The following KAT14 variants were observed in gnomAD, a reference collection of about 807,000 sequenced individuals.
The protein encoded by KAT14 is cysteine-rich protein 2-binding protein.
In KAT14, 66 loss-of-function variants were observed where a neutral mutation model predicts 78.4. The observed-to-expected ratio is 0.84, with a 90% CI of 0.69 to 1.03. The LOEUF is 1.03. Among genes scored for constraint, KAT14 ranks in the 50% least tolerant of loss-of-function variants. KAT14 has a pLI of 0.00. For missense variants in KAT14, 870 were observed against 972.5 expected (o/e 0.89, Z 1.40); for synonymous variants, 344 against 359.4 (o/e 0.96, Z 0.48).
At chr20:18,153,770 A>C (rs1212667232) in intron 4 of KAT14, among the ~76,000 whole-genome samples, 1 of 152,230 alleles carries the variant, frequency 6.6e-6, no homozygotes, top group African/African-American at 2.4e-5. Context: ...CTTCCTATTT[A>C]AATCAAGTCA....
intron 10 of KAT14, 66 bp from the exon 11 acceptor site, chr20:18,187,220 C>G (rs2039477431): frequency 3.3e-6 from 5 of 1,525,686 alleles, no homozygotes; most frequent in Admixed American, 2.4e-5. Context: ...AAAAGCGTTT[C>G]TTTACCTACT....
chr20:18,183,934 G>T (rs911960945), intron 9 of KAT14, among the ~76,000 whole-genome samples: 2 of 152,172 alleles, frequency 1.3e-5, no homozygotes, highest in African/African-American at 4.8e-5. Context: ...TGTTAGATAC[G>T]ATTTCATCAA....
At chr20:18,182,026 T>C (rs2039277839) in intron 8 of KAT14, among the ~76,000 whole-genome samples, 180 bp downstream of exon 8, 1 of 152,200 alleles carries the variant, frequency 6.6e-6, no homozygotes, top group African/African-American at 2.4e-5. Flanking sequence ...CTCTACTTTT[T>C]TGCAGAGAAC....
intron 7 of KAT14, among the ~76,000 whole-genome samples, chr20:18,166,874 A>G (rs538530992): frequency 6.6e-6 from 1 of 152,362 alleles, no homozygotes; most frequent in South Asian, 2.1e-4. Context: ...ACACAGCCAC[A>G]TTGTCTAGGT....
At chr20:18,146,883 GTTCA>G (rs919856900) in intron 3 of KAT14, among the ~76,000 whole-genome samples, 12 of 151,888 alleles carry the variant, frequency 7.9e-5, no homozygotes, top group African/African-American at 2.9e-4. Context: ...TAGTTTTTAT[GTTCA>G]TTCATTCATT....
chr20:18,175,933 A>G (rs1386942220), intron 7 of KAT14, among the ~76,000 whole-genome samples: 1 of 149,546 alleles, frequency 6.7e-6, no homozygotes, highest in Non-Finnish European at 1.5e-5. Context: ...CACTTGAGCT[A>G]GGAGGTCAAG....
intron 7 of KAT14, among the ~76,000 whole-genome samples, chr20:18,174,669 A>ATTT (rs11481085): frequency 7.2e-6 from 1 of 138,848 alleles, no homozygotes; most frequent in African/African-American, 2.7e-5. Flanking sequence ...TTTTTTTTTT[A>ATTT]TTTTTTTTTT....
chr20:18,176,512 G>A (rs1019349672), intron 7 of KAT14, among the ~76,000 whole-genome samples: 13 of 152,092 alleles, frequency 8.5e-5, no homozygotes, highest in Non-Finnish European at 1.2e-4. Flanking sequence ...GAGGAGTAGC[G>A]GGCAGGAGCA....
At chr20:18,138,161 C>T in intron 1 of KAT14, 110 bp downstream of exon 1, 1 of 1,335,598 alleles carries the variant, frequency 7.5e-7, no homozygotes, top group Non-Finnish European at 9.6e-7. Flanking sequence ...GTCTTTCCCC[C>T]GCGGTGGCGC....
chr20:18,177,470 C>T (rs928113004), intron 7 of KAT14, among the ~76,000 whole-genome samples: 1 of 152,122 alleles, frequency 6.6e-6, no homozygotes, highest in East Asian at 1.9e-4. Flanking sequence ...CCTTTTGATA[C>T]GAGGAGCCGC....
rs906013845 is a variant in KAT14 at position 18,159,457 on chromosome 20, T to C, written c.682+192T>C. Reference sequence around the variant, plus strand: ...CACATAAAAACATTTTATCACTTCCTAATCAAGCTATCAGTTTTATAAATT... The same window carrying C: ...CACATAAAAACATTTTATCACTTCCCAATCAAGCTATCAGTTTTATAAATT... On this transcript the variant is annotated intron_variant, in intron 5 of 10. Coordinates refer to ENST00000688188, the MANE Select transcript of KAT14 (RefSeq NM_001392073.1). 3.3e-5 allele frequency among the ~76,000 whole-genome samples: 5 copies of C among 152,278 alleles called. No individual in the cohort carries two copies. In the South Asian group the frequency reaches 1.0e-3, roughly 31 times the overall value.
At position 18,142,994 on chromosome 20, in the gene KAT14, G is replaced by A. The variant is rs1001413040; in HGVS notation, c.259+75G>A. On this transcript the variant is annotated intron_variant, in intron 2 of 10. Coordinates refer to ENST00000688188, the MANE Select transcript of KAT14 (RefSeq NM_001392073.1). ...TGTTTTTCCAACCTGTGAAAGAAAC[G>A]TGAATGTAAAAGAGACCTAAATAAA... 28 of 1,562,898 alleles carry A rather than the reference G, an allele frequency of 1.8e-5. No individual in the cohort carries two copies. The East Asian group carries it at 1.8e-4, about 10-fold the overall frequency.
chr20:18,158,267 C>T lies in KAT14; in HGVS notation c.501-817C>T, dbSNP rs2038293328. Among the ~76,000 whole-genome samples, 4 of 152,308 alleles carry T rather than the reference C, an allele frequency of 2.6e-5. No homozygotes were observed. In the South Asian group the frequency reaches 8.3e-4, roughly 32 times the overall value. On this transcript the variant is annotated intron_variant, in intron 4 of 10. Coordinates refer to ENST00000688188, the MANE Select transcript of KAT14 (RefSeq NM_001392073.1). Reference sequence around the variant, plus strand: ...AGTGCTTATGCCTACTATAGCTGAGCTTATTTGTTTTGTTTATTTTCTGAG... The same window carrying T: ...AGTGCTTATGCCTACTATAGCTGAGTTTATTTGTTTTGTTTATTTTCTGAG...
At chr20:18,157,050 C>T (rs923738356) in intron 4 of KAT14, among the ~76,000 whole-genome samples, 2 of 152,078 alleles carry the variant, frequency 1.3e-5, no homozygotes, top group South Asian at 2.1e-4. Flanking sequence ...AGTAGATTTG[C>T]GAGGTCAGAG....
intron 4 of KAT14, among the ~76,000 whole-genome samples, chr20:18,155,309 C>T (rs1441850081): frequency 6.6e-6 from 1 of 152,108 alleles, no homozygotes; most frequent in Non-Finnish European, 1.5e-5. Context: ...TTCTTTTATG[C>T]CTTTAATATG....
At chr20:18,155,071 G>C (rs986127641) in intron 4 of KAT14, among the ~76,000 whole-genome samples, 1 of 152,136 alleles carries the variant, frequency 6.6e-6, no homozygotes, top group African/African-American at 2.4e-5. Context: ...TTTTCGTAGG[G>C]ACAGGGTTTC....
intron 6 of KAT14, 40 bp downstream of exon 6, chr20:18,162,279 G>A: frequency 6.2e-7 from 1 of 1,612,254 alleles, no homozygotes; most frequent in Non-Finnish European, 8.5e-7. Context: ...TTTGGGTATG[G>A]GCCATGGTAT....
intron 7 of KAT14, among the ~76,000 whole-genome samples, chr20:18,177,869 C>CT (rs1568673731): frequency 6.6e-6 from 1 of 152,086 alleles, no homozygotes; most frequent in African/African-American, 2.4e-5. Context: ...AACATATTTC[C>CT]AGTCCAGCTC....
At chr20:18,184,484 T>TG (rs1555804481) in intron 9 of KAT14, 118 bp from the exon 10 acceptor site, 6 of 845,056 alleles carry the variant, frequency 7.1e-6, no homozygotes, top group Non-Finnish European at 1.0e-5. Flanking sequence ...CCAGTTTTGG[T>TG]GTTTTTTTTT....
Sources: gnomAD v4.1 joint callset for allele counts (sites outside exome capture counted in the v4.1 genomes callset) on GRCh38, gnomAD v4.1.1 for gene constraint, MANE v1.5 for transcripts, NCBI Gene and HGNC (gene_info 2026-07-23, HGNC 2026-07-21) for gene names.